The following SERTM2 variants were observed in gnomAD, a reference collection of about 807,000 sequenced individuals.
SERTM2 encodes the protein serine-rich and transmembrane domain-containing protein 2.
At position 111,521,338 on chromosome X, in the gene SERTM2, C is replaced by T. The variant is rs1199267733; in HGVS notation, c.*2208C>T. Reference sequence around the variant, plus strand: ...ACAACTACCCCATGGGGATCCAGCTCGTCACTGAGCATTAACCAAAGCACA... The same window carrying T: ...ACAACTACCCCATGGGGATCCAGCTTGTCACTGAGCATTAACCAAAGCACA... On this transcript the variant is annotated 3_prime_UTR_variant, in exon 3 of 3. Coordinates refer to ENST00000569275, the MANE Select transcript of SERTM2 (RefSeq NM_001354473.2). The T allele has an allele frequency of 4.5e-5, 5 of 111,035 alleles. No individual in the cohort carries two copies. The highest frequency in any genetic ancestry group is 1.6e-4 in the African/African-American group (5 of 30,465). The allele number at this position is 111,035 out of a possible 1,213,427, so 9.2% of individuals were successfully genotyped here. A position where few individuals can be genotyped will look rare whatever the true frequency, so the allele number is the denominator to read the frequency against.
chrX:111,516,472 C>G (rs949956074), intron 2 of SERTM2, among the ~76,000 whole-genome samples: 3 of 110,336 alleles, frequency 2.7e-5, no homozygotes, highest in Non-Finnish European at 5.7e-5. Flanking sequence ...AATTAACTCT[C>G]AAAGCTCAGT....
At chrX:111,517,555 C>A (rs1930335876) in intron 2 of SERTM2, among the ~76,000 whole-genome samples, 1 of 111,424 alleles carries the variant, frequency 9.0e-6, no homozygotes, top group Admixed American at 9.5e-5. Flanking sequence ...ATAGATAGAA[C>A]CTTCTTTTTG....
In SERTM2 at chrX:111,519,671, T is replaced by C. The variant is rs1930379825; in HGVS notation, c.*541T>C. 1 of 112,195 alleles carries C rather than the reference T, an allele frequency of 8.9e-6. No homozygotes were observed. The highest frequency in any genetic ancestry group is 3.2e-5 in the African/African-American group (1 of 30,922). 9.2% of individuals were successfully genotyped at this position (112,195 alleles called of 1,213,427 possible). A position where few individuals can be genotyped will look rare whatever the true frequency, so the allele number is the denominator to read the frequency against. On this transcript the variant is annotated 3_prime_UTR_variant, in exon 3 of 3. Transcript: ENST00000569275. ...TGATCATCTTAGGCAATCCGGTTTG[T>C]TTCAAATGAAAGAAGAGATTTAAAG...
intron 2 of SERTM2, among the ~76,000 whole-genome samples, chrX:111,514,832 T>C (rs1930282242): frequency 9.0e-6 from 1 of 111,577 alleles, no homozygotes; most frequent in African/African-American, 3.2e-5. Flanking sequence ...TTACACAGTT[T>C]GGTATATTTT....
chrX:111,519,474 AAAAC>A lies in SERTM2; in HGVS notation c.*352_*355del, dbSNP rs969016862. 7.7e-5 allele frequency: 10 copies of A among 129,698 alleles called. No individual in the cohort carries two copies. Among genetic ancestry groups the A allele is most frequent in the Non-Finnish European group, 1.1e-4 (7 of 65,169 alleles). The allele number at this position is 129,698 out of a possible 1,213,427, so 10.7% of individuals were successfully genotyped here. A position where few individuals can be genotyped will look rare whatever the true frequency, so the allele number is the denominator to read the frequency against. On this transcript the variant is annotated 3_prime_UTR_variant, in exon 3 of 3. Coordinates refer to ENST00000569275, the MANE Select transcript of SERTM2 (RefSeq NM_001354473.2). ...AAGCACAGGGTCCCTGGAAGCTCCA[AAAAC>A]AAACAAAGAAGATTTGCTTTTGAAA... is the stretch of plus-strand genomic sequence containing the variant.
In SERTM2 at chrX:111,519,747, C is replaced by T. The variant is rs1930380951; in HGVS notation, c.*617C>T. On this transcript the variant is annotated 3_prime_UTR_variant, in exon 3 of 3. Transcript: ENST00000569275. ...TTTTCAGAAAGAAGTTTCTAGTAAA[C>T]AAACTCATCTAGAGAGAGAAAAATG... is the stretch of plus-strand genomic sequence containing the variant. 8.9e-6 allele frequency: 1 copy of T among 111,801 alleles called. No homozygotes were observed. Among genetic ancestry groups the T allele is most frequent in the Non-Finnish European group, 1.9e-5 (1 of 53,135 alleles). 9.2% of individuals were successfully genotyped at this position (111,801 alleles called of 1,213,427 possible).
In SERTM2 at chrX:111,518,488, A is replaced by G. The variant is rs1046609090; in HGVS notation, c.-370A>G. ...CGAAAACAGAGCAAAACACTGATATAATACTCTAAAAGATTCTTGTTCTAA... is the reference window on the plus strand; with the variant it reads ...CGAAAACAGAGCAAAACACTGATATGATACTCTAAAAGATTCTTGTTCTAA... On this transcript the variant is annotated 5_prime_UTR_variant, in exon 3 of 3. In the 5' UTR this introduces an upstream ATG that the reference lacks. Transcript: ENST00000569275. 1.3e-5 allele frequency: 2 copies of G among 148,318 alleles called. No homozygotes were observed. Among genetic ancestry groups the G allele is most frequent in the Non-Finnish European group, 2.6e-5 (2 of 76,640 alleles). The allele number at this position is 148,318 out of a possible 1,213,427, so 12.2% of individuals were successfully genotyped here.
rs539416912 is a variant in SERTM2 at position 111,516,746 on chromosome X, G to A, written c.-783-1329G>A. Among the ~76,000 whole-genome samples, 95 of 111,297 alleles carry A rather than the reference G, an allele frequency of 8.5e-4. 1 individual carries two copies. The highest frequency in any genetic ancestry group is 2.8e-3 in the African/African-American group (85 of 30,649). On this transcript the variant is annotated intron_variant, in intron 2 of 2. Coordinates refer to ENST00000569275, the MANE Select transcript of SERTM2 (RefSeq NM_001354473.2). ...TATGGATTATGGAAAGTATAGTAAC[G>A]TGGGCTAGGGAATACAAACTTTAAG...
Position 111,519,908 on chromosome X carries a change from T to G in SERTM2, c.*778T>G, listed in dbSNP as rs765590379. ...TGCCTTTGCAAACAAGACTCAACTG[T>G]ACTTTAGAGCAGAAATAAAATGATG... is the stretch of plus-strand genomic sequence containing the variant. On this transcript the variant is annotated 3_prime_UTR_variant, in exon 3 of 3. Transcript: ENST00000569275. 8.9e-6 allele frequency: 1 copy of G among 112,142 alleles called. No homozygotes were observed. Among genetic ancestry groups the G allele is most frequent in the East Asian group, 2.8e-4 (1 of 3,554 alleles). The allele number at this position is 112,142 out of a possible 1,213,427, so 9.2% of individuals were successfully genotyped here. A position where few individuals can be genotyped will look rare whatever the true frequency, so the allele number is the denominator to read the frequency against.
intron 1 of SERTM2, 72 bp downstream of exon 1, chrX:111,511,906 A>T: frequency 3.4e-6 from 1 of 291,711 alleles, no homozygotes; most frequent in East Asian, 4.8e-5. Flanking sequence ...CTGCAAAGGG[A>T]TTACTCTTTA....
chrX:111,512,981 A>G (rs767939193), intron 2 of SERTM2, among the ~76,000 whole-genome samples: 50 of 111,979 alleles, frequency 4.5e-4, no homozygotes, highest in African/African-American at 1.4e-3. Flanking sequence ...GTGCATATTC[A>G]TGTCACTTGT....
chrX:111,515,216 T>C (rs1930290568), intron 2 of SERTM2, among the ~76,000 whole-genome samples: 3 of 111,581 alleles, frequency 2.7e-5, no homozygotes, highest in Non-Finnish European at 5.7e-5. Flanking sequence ...ATAAAGATAC[T>C]AGAATAGTGT....
At position 111,521,368 on chromosome X, in the gene SERTM2, A is replaced by C. The variant is rs1339130363; in HGVS notation, c.*2238A>C. On this transcript the variant is annotated 3_prime_UTR_variant, in exon 3 of 3. Transcript: ENST00000569275. ...CTGAGCATTAACCAAAGCACACAGC[A>C]CAGATTACACCAAAATAGCAGCATA... The C allele has an allele frequency of 1.8e-5, 2 of 111,464 alleles. No homozygotes were observed. The highest frequency in any genetic ancestry group is 3.8e-5 in the Non-Finnish European group (2 of 53,116). The allele number at this position is 111,464 out of a possible 1,213,427, so 9.2% of individuals were successfully genotyped here.
At chrX:111,516,298 G>T (rs7888891) in intron 2 of SERTM2, among the ~76,000 whole-genome samples, 11,291 of 107,334 alleles carry the variant, frequency 0.11, 1,436 homozygotes, top group African/African-American at 0.35. Context: ...TCCAAATAAG[G>T]TTACATTCAC....
rs184234429 is a variant in SERTM2, at chrX:111,521,639, G to A, written c.*2509G>A. ...ACAATTTGAATTTATCCTTCTATTC[G>A]AAATGCTGACTTGGATTGCCTTCCC... On this transcript the variant is annotated 3_prime_UTR_variant, in exon 3 of 3. Coordinates refer to ENST00000569275, the MANE Select transcript of SERTM2 (RefSeq NM_001354473.2). The A allele has an allele frequency of 2.7e-5, 3 of 110,707 alleles. No individual in the cohort carries two copies. Among genetic ancestry groups the A allele is most frequent in the South Asian group, 3.9e-4 (1 of 2,570 alleles). 9.1% of individuals were successfully genotyped at this position (110,707 alleles called of 1,213,427 possible).
chrX:111,516,319 G>A (rs1930309234), intron 2 of SERTM2, among the ~76,000 whole-genome samples: 1 of 108,266 alleles, frequency 9.2e-6, no homozygotes, highest in Non-Finnish European at 1.9e-5. Context: ...AGTTACTGGA[G>A]TTTAGGACTT....
At position 111,519,123 on chromosome X, in the gene SERTM2, C is replaced by T. The variant is rs1930368753; in HGVS notation, c.266C>T (p.Thr89Ile). Residue 89 changes from threonine (T) to isoleucine (I), a missense_variant, in exon 3 of 3, where the codon ACT becomes ATT. Coordinates refer to ENST00000569275, the MANE Select transcript of SERTM2 (RefSeq NM_001354473.2). Reference sequence around the variant, plus strand: ...GTAGAGATGCAGAGTCGAATCCCCACTCCCTAAAGCCAGGATGAAGGTGAG... The same window carrying T: ...GTAGAGATGCAGAGTCGAATCCCCATTCCCTAAAGCCAGGATGAAGGTGAG... ...TDVEMQSRIP[T>I]P 2 of 295,558 alleles carry T rather than the reference C, an allele frequency of 6.8e-6. No individual in the cohort carries two copies. The highest frequency in any genetic ancestry group is 2.8e-5 in the African/African-American group (1 of 36,321). 24.4% of individuals were successfully genotyped at this position (295,558 alleles called of 1,213,427 possible). A position where few individuals can be genotyped will look rare whatever the true frequency, so the allele number is the denominator to read the frequency against.
rs1040898186 is a variant in SERTM2 at position 111,521,607 on chromosome X, A to C, written c.*2477A>C. ...GCTCAAAAAGGCAGCCAGAGTAACC[A>C]GACGGCACAATTTGAATTTATCCTT... On this transcript the variant is annotated 3_prime_UTR_variant, in exon 3 of 3. Coordinates refer to ENST00000569275, the MANE Select transcript of SERTM2 (RefSeq NM_001354473.2). 18 of 111,587 alleles carry C rather than the reference A, an allele frequency of 1.6e-4. No homozygotes were observed. The highest frequency in any genetic ancestry group is 5.5e-4 in the African/African-American group (17 of 30,637). 9.2% of individuals were successfully genotyped at this position (111,587 alleles called of 1,213,427 possible). A position where few individuals can be genotyped will look rare whatever the true frequency, so the allele number is the denominator to read the frequency against.
intron 2 of SERTM2, among the ~76,000 whole-genome samples, chrX:111,515,000 G>A (rs1930285776): frequency 9.1e-6 from 1 of 110,381 alleles, no homozygotes; most frequent in Non-Finnish European, 1.9e-5. Flanking sequence ...GAGATGGGAG[G>A]AGCATAGGTA....
Sources: allele counts gnomAD v4.1 joint callset (sites outside exome capture counted in the v4.1 genomes callset), GRCh38; gene constraint gnomAD v4.1.1; transcripts MANE v1.5; gene names NCBI Gene and HGNC (gene_info 2026-07-23, HGNC 2026-07-21).